Variants in COX15 observed in about 807,000 individuals in gnomAD.
The protein encoded by COX15 is heme A synthase COX15.
COX15 carries 51 observed loss-of-function variants against 51.9 expected under a neutral mutation model. The ratio of observed to expected loss-of-function variants is 0.98; its 90% CI spans 0.78 to 1.24. The LOEUF is 1.24. COX15 is among the 50% of genes most tolerant of loss of function. The probability of loss-of-function intolerance (pLI) is 0.00; values close to 1 mark genes in which losing one functional copy is unlikely to be tolerated. For missense variants in COX15, 420 were observed against 501.1 expected (o/e 0.84, Z 1.55); for synonymous variants, 188 against 190.5 (o/e 0.99, Z 0.11).
At chr10:99,703,895 G>T in the COX15 span, among the ~76,000 whole-genome samples, 14 of 151,952 alleles carry the variant, frequency 9.2e-5, no homozygotes, top group Admixed American at 3.9e-4. Context: ...CTAATTTTTT[G>T]ATTTTTCTTT....
At chr10:99,700,372 C>CTTT in the COX15 span, among the ~76,000 whole-genome samples, 1 of 150,884 alleles carries the variant, frequency 6.6e-6, no homozygotes. Context: ...TTTCCCTGAG[C>CTTT]ATTTATGTTA....
At position 99,732,035 on chromosome 10, in the gene COX15, G is replaced by A. The variant is rs1192760171; in HGVS notation, c.15C>T (p.Leu5=). The stretch of plus-strand genomic sequence containing the variant: ...CCTTCAAGGCCCTCAACGGCGGAAA[G>A]AGCAATCGCTGCATACTGATGACAG... MQRL[L]FPPLRALKGR... is the part of the protein sequence containing the mutation. The change falls in exon 1 of 9, where the codon CTC becomes CTT. Residue 5 remains leucine, a synonymous_variant. Coordinates refer to ENST00000016171, the MANE Select transcript of COX15 (RefSeq NM_078470.6). 8.1e-6 allele frequency: 13 copies of A among 1,612,936 alleles called. No homozygotes were observed. The highest frequency in any genetic ancestry group is 1.0e-5 in the Non-Finnish European group (12 of 1,179,716).
chr10:99,715,066 A>G (rs1163736374), intron 8 of COX15, among the ~76,000 whole-genome samples: 1 of 152,200 alleles, frequency 6.6e-6, no homozygotes, highest in Non-Finnish European at 1.5e-5. Flanking sequence ...TCACTTAGCA[A>G]TATACACTAT....
intron 5 of COX15, among the ~76,000 whole-genome samples, chr10:99,721,526 A>C (rs185578824): frequency 1.3e-5 from 2 of 152,212 alleles, no homozygotes; most frequent in Non-Finnish European, 2.9e-5. Flanking sequence ...AGATTCCTCC[A>C]TTTAGTGTTT....
At chr10:99,709,428 C>T (rs1337338894), downstream of COX15, 2 of 985,180 alleles carry the variant, frequency 2.0e-6, no homozygotes, top group Admixed American at 1.2e-4. Context: ...GATTCCAGCC[C>T]CTGGGGCAAT....
chr10:99,716,463 T>C lies in COX15; in HGVS notation c.988-2A>G. The C allele has an allele frequency of 1.9e-6, 3 of 1,598,014 alleles. No individual in the cohort carries two copies. The highest frequency in any genetic ancestry group is 2.6e-6 in the Non-Finnish European group (3 of 1,165,632). Reference sequence around the variant, plus strand: ...AATGGCAGTGACTGAAGTGATTCCCTGCAGGGAAGAAAGAGTCTATCACAT... The same window carrying C: ...AATGGCAGTGACTGAAGTGATTCCCCGCAGGGAAGAAAGAGTCTATCACAT... On this transcript the variant is annotated splice_acceptor_variant, in intron 7 of 8. Transcript: ENST00000016171. LOFTEE classifies it high-confidence loss of function.
downstream of COX15, chr10:99,710,693 A>G (rs1330986297): frequency 1.0e-6 from 1 of 985,348 alleles, no homozygotes; most frequent in Non-Finnish European, 1.2e-6. Context: ...ATAACCCACC[A>G]TTCATCCCAG....
the COX15 span, among the ~76,000 whole-genome samples, chr10:99,700,692 A>G: frequency 6.6e-6 from 1 of 152,204 alleles, no homozygotes; most frequent in African/African-American, 2.4e-5. Context: ...GAATGAAACT[A>G]TCTTTGTCTT....
At chr10:99,707,807 T>G (rs1271091142), downstream of COX15, among the ~76,000 whole-genome samples, 3 of 152,240 alleles carry the variant, frequency 2.0e-5, no homozygotes, top group Admixed American at 1.3e-4. Context: ...ATGTGGCATT[T>G]CATTCACTTA....
At chr10:99,702,677 A>G in the COX15 span, 2 of 1,603,816 alleles carry the variant, frequency 1.2e-6, no homozygotes, top group African/African-American at 1.3e-5. Context: ...CACTCAGGTA[A>G]AGTAAGACTG....
intron 6 of COX15, 93 bp downstream of exon 6, chr10:99,720,894 T>C: frequency 3.2e-6 from 3 of 931,142 alleles, no homozygotes; most frequent in East Asian, 2.5e-5. Flanking sequence ...AAAGGAAATA[T>C]AAAGATGCAG....
chr10:99,722,403 G>C (rs2036803630), intron 5 of COX15, among the ~76,000 whole-genome samples: 1 of 152,140 alleles, frequency 6.6e-6, no homozygotes, highest in Non-Finnish European at 1.5e-5. Context: ...TATGTATTGG[G>C]TTGGGTGAGG....
At chr10:99,695,947 G>A in the COX15 span, 1 of 1,610,402 alleles carries the variant, frequency 6.2e-7, no homozygotes, top group Non-Finnish European at 8.5e-7. Context: ...TCTTGGTATT[G>A]TATTATAGGA....
chr10:99,694,384 T>C, the COX15 span, among the ~76,000 whole-genome samples: 1 of 152,202 alleles, frequency 6.6e-6, no homozygotes, highest in African/African-American at 2.4e-5. Flanking sequence ...TTTTAATGGC[T>C]AAACAGCATT....
chr10:99,712,164 T>C lies in COX15; in HGVS notation c.*2423A>G. Reference sequence around the variant, plus strand: ...TACTAGGCCCACCTCTAACACTGAATGTCACACTTTGAACATGAGATTTGG... The same window carrying C: ...TACTAGGCCCACCTCTAACACTGAACGTCACACTTTGAACATGAGATTTGG... On this transcript the variant is annotated 3_prime_UTR_variant, in exon 9 of 9. Coordinates refer to ENST00000016171, the MANE Select transcript of COX15 (RefSeq NM_078470.6). 1.1e-6 allele frequency: 1 copy of C among 932,276 alleles called. No homozygotes were observed. The highest frequency in any genetic ancestry group is 1.3e-6 in the Non-Finnish European group (1 of 781,630). 57.8% of individuals were successfully genotyped at this position (932,276 alleles called of 1,614,324 possible). A position where few individuals can be genotyped will look rare whatever the true frequency, so the allele number is the denominator to read the frequency against.
chr10:99,722,707 G>A (rs190233561), intron 5 of COX15, among the ~76,000 whole-genome samples: 4 of 152,068 alleles, frequency 2.6e-5, no homozygotes, highest in East Asian at 3.9e-4. Context: ...GGTGGTGTGC[G>A]CCTGTAGTCC....
At chr10:99,709,266 T>C (rs892668272), downstream of COX15, 1 of 985,388 alleles carries the variant, frequency 1.0e-6, no homozygotes, top group Non-Finnish European at 1.2e-6. Flanking sequence ...CTTTTTGTTG[T>C]CTTTAAACTT....
At chr10:99,703,839 A>T in the COX15 span, among the ~76,000 whole-genome samples, 1 of 152,104 alleles carries the variant, frequency 6.6e-6, no homozygotes, top group African/African-American at 2.4e-5. Flanking sequence ...CTCCTGCCTC[A>T]GCCTTCTGAG....
rs1045052689 is a variant in COX15, at chr10:99,712,656, G to A, written c.*1931C>T. On this transcript the variant is annotated 3_prime_UTR_variant, in exon 9 of 9. Transcript: ENST00000016171. ...CAAAAAGCAAAACAAAAACCCAGAA[G>A]ATCTAACAACCCTGGACCTGTAGAG... 19 of 973,442 alleles carry A rather than the reference G, an allele frequency of 2.0e-5. No individual in the cohort carries two copies. In the Admixed American group the frequency reaches 4.3e-4, roughly 22 times the overall value. 60.3% of individuals were successfully genotyped at this position (973,442 alleles called of 1,614,324 possible).
Sources: gnomAD v4.1 joint callset for allele counts (sites outside exome capture counted in the v4.1 genomes callset) on GRCh38, gnomAD v4.1.1 for gene constraint, MANE v1.5 for transcripts, NCBI Gene and HGNC (gene_info 2026-07-23, HGNC 2026-07-21) for gene names.